Variants in RAD51B observed in about 807,000 individuals in gnomAD.
The protein encoded by RAD51B is DNA repair protein RAD51 homolog 2.
In RAD51B, 38 loss-of-function variants were observed where a neutral mutation model predicts 42.2. The observed-to-expected ratio is 0.90, with a 90% CI of 0.70 to 1.18. The LOEUF (loss-of-function observed/expected upper bound fraction) is 1.18. Ranked by LOEUF, RAD51B falls within the 50% of genes most tolerant of loss-of-function variation. The pLI is 0.00. For missense variants in RAD51B, 373 were observed against 400.7 expected, an observed-to-expected ratio of 0.93 and a Z score of 0.59; for synonymous variants, 154 against 145.2, an observed-to-expected ratio of 1.06 and a Z score of -0.43.
chr14:68,578,645 G>A (rs143926931), intron 10 of RAD51B, among the ~76,000 whole-genome samples: 161 of 152,252 alleles, frequency 1.1e-3, no homozygotes, highest in African/African-American at 3.6e-3. Context: ...CAGGCAAAGG[G>A]CCCTTATAAT....
Position 67,947,745 on chromosome 14 carries a change from C to CA in RAD51B, c.756+60549dup, listed in dbSNP as rs201563233. On this transcript the variant is annotated intron_variant, in intron 7 of 10. Transcript: ENST00000471583. ...AAGACTAATATTTGGTCCTAAAAAA[C>CA]AAAAAAAACTTATCTTCATCTGTCA... is the stretch of plus-strand genomic sequence containing the variant. Among the ~76,000 whole-genome samples the CA allele has an allele frequency of 5.6e-3, 855 of 151,686 alleles. 3 individuals are homozygous for CA. The highest frequency in any genetic ancestry group is 0.013 in the African/African-American group (547 of 41,420).
intron 7 of RAD51B, among the ~76,000 whole-genome samples, chr14:67,996,789 A>G (rs183480127): frequency 7.9e-5 from 12 of 152,216 alleles, no homozygotes; most frequent in Non-Finnish European, 1.8e-4. Flanking sequence ...ACTAGGTTGT[A>G]TGAGCAAGGG....
intron 7 of RAD51B, among the ~76,000 whole-genome samples, chr14:67,974,981 T>A (rs1205386227): frequency 6.6e-6 from 1 of 152,212 alleles, no homozygotes; most frequent in Non-Finnish European, 1.5e-5. Flanking sequence ...GTGCTTTTTT[T>A]GGTTTCTCTC....
At chr14:68,290,924 A>G (rs1273374000) in intron 7 of RAD51B, among the ~76,000 whole-genome samples, 1 of 151,956 alleles carries the variant, frequency 6.6e-6, no homozygotes, top group Non-Finnish European at 1.5e-5. Context: ...CTCCTGTCTC[A>G]GCCTCCTGAG....
intron 9 of RAD51B, among the ~76,000 whole-genome samples, chr14:68,451,613 C>T (rs754000942): frequency 6.6e-6 from 1 of 152,188 alleles, no homozygotes; most frequent in Non-Finnish European, 1.5e-5. Context: ...TTCTTCTTGT[C>T]CTTTGCCCTT....
At chr14:67,871,547 A>T (rs1014995231) in intron 5 of RAD51B, among the ~76,000 whole-genome samples, 6 of 152,212 alleles carry the variant, frequency 3.9e-5, no homozygotes, top group Non-Finnish European at 8.8e-5. Context: ...AAACTATTCC[A>T]ATCAATAGAA....
At chr14:67,918,981 G>A (rs1301368663) in intron 7 of RAD51B, among the ~76,000 whole-genome samples, 1 of 152,156 alleles carries the variant, frequency 6.6e-6, no homozygotes, top group African/African-American at 2.4e-5. Context: ...GAGAGAGAGA[G>A]GAAGTTTGCA....
intron 7 of RAD51B, among the ~76,000 whole-genome samples, chr14:68,209,298 A>G (rs1298794171): frequency 6.6e-6 from 1 of 152,220 alleles, no homozygotes; most frequent in Non-Finnish European, 1.5e-5. Flanking sequence ...GGTAGGCACC[A>G]TGCTAAGTAT....
chr14:67,958,153 A>C, intron 7 of RAD51B, among the ~76,000 whole-genome samples: 1 of 152,204 alleles, frequency 6.6e-6, no homozygotes. Flanking sequence ...CTGCTCTAGC[A>C]TGGAGGCTTC....
chr14:68,333,184 C>T (rs2082382624), intron 8 of RAD51B, among the ~76,000 whole-genome samples: 1 of 152,180 alleles, frequency 6.6e-6, no homozygotes, highest in African/African-American at 2.4e-5. Context: ...CTCCTGTAAC[C>T]TAGGACCTTC....
chr14:67,903,172 A>T (rs527633822), intron 7 of RAD51B, among the ~76,000 whole-genome samples: 34 of 151,998 alleles, frequency 2.2e-4, no homozygotes, highest in African/African-American at 6.8e-4. Flanking sequence ...AAAACTTCTA[A>T]CTCTGAGTTT....
chr14:68,379,786 A>G (rs17105505), intron 8 of RAD51B, among the ~76,000 whole-genome samples: 1,954 of 152,326 alleles, frequency 0.013, 44 homozygotes, highest in African/African-American at 0.045. Context: ...GACCAGGGAC[A>G]TCACATTTTA....
Position 68,151,602 on chromosome 14 carries a change from T to C in RAD51B, c.757-140282T>C, listed in dbSNP as rs545752635. Among the ~76,000 whole-genome samples, 23 of 152,008 alleles carry C rather than the reference T, an allele frequency of 1.5e-4. No homozygotes were observed. The South Asian group carries it at 4.4e-3, about 29-fold the overall frequency. On this transcript the variant is annotated intron_variant, in intron 7 of 10. Coordinates refer to ENST00000471583, the MANE Select transcript of RAD51B (RefSeq NM_133510.4). ...AATGTCCCACAGCTCCATTCATTTT[T>C]CTTGGTTTTTTGTGTGTGTGTGTGT... is the stretch of plus-strand genomic sequence containing the variant.
intron 7 of RAD51B, among the ~76,000 whole-genome samples, chr14:67,956,370 C>T (rs1040731961): frequency 6.6e-6 from 1 of 152,022 alleles, no homozygotes; most frequent in African/African-American, 2.4e-5. Context: ...ACCTGTAATC[C>T]CAGCTTCTTG....
intron 7 of RAD51B, among the ~76,000 whole-genome samples, chr14:67,979,641 C>T (rs1668600154): frequency 1.3e-5 from 2 of 152,126 alleles, no homozygotes; most frequent in African/African-American, 4.8e-5. Flanking sequence ...GTAGTAATCC[C>T]ATCTGGCCCC....
intron 7 of RAD51B, among the ~76,000 whole-genome samples, chr14:68,010,271 G>C (rs1428444174): frequency 6.6e-6 from 1 of 151,814 alleles, no homozygotes; most frequent in African/African-American, 2.4e-5. Context: ...GATGTAGTTA[G>C]CTTGCTATGA....
At chr14:68,145,011 A>G (rs553394205) in intron 7 of RAD51B, among the ~76,000 whole-genome samples, 1 of 152,266 alleles carries the variant, frequency 6.6e-6, no homozygotes, top group South Asian at 2.1e-4. Flanking sequence ...TTTATTACTC[A>G]TTTCCTTATT....
chr14:68,283,812 C>T (rs2081365441), intron 7 of RAD51B, among the ~76,000 whole-genome samples: 1 of 152,222 alleles, frequency 6.6e-6, no homozygotes, highest in Admixed American at 6.5e-5. Flanking sequence ...CCACTGCATC[C>T]CCTTGCATGT....
At chr14:68,520,587 C>T (rs1260128722) in intron 10 of RAD51B, among the ~76,000 whole-genome samples, 3 of 152,138 alleles carry the variant, frequency 2.0e-5, no homozygotes, top group Non-Finnish European at 4.4e-5. Flanking sequence ...CTCAGGAAAA[C>T]AAGATATGAG....
Sources: allele counts gnomAD v4.1 joint callset (sites outside exome capture counted in the v4.1 genomes callset), GRCh38; gene constraint gnomAD v4.1.1; transcripts MANE v1.5; gene names NCBI Gene and HGNC (gene_info 2026-07-23, HGNC 2026-07-21).